The following SNX8 variants were observed in gnomAD, a reference collection of about 807,000 sequenced individuals.
The protein encoded by SNX8 is sorting nexin 8.
A neutral mutation model predicts 51.6 loss-of-function variants in SNX8; 25 were observed. That is an observed-to-expected ratio of 0.48 (90% confidence interval 0.35 to 0.68). The LOEUF (loss-of-function observed/expected upper bound fraction) is 0.68, where lower values mean the gene tolerates loss of function less well. Among genes scored for constraint, SNX8 ranks in the 30% least tolerant of loss-of-function variants. The pLI is 0.00. For missense variants in SNX8, 695 were observed against 624.0 expected (o/e 1.11, Z -1.21); for synonymous variants, 324 against 277.0 (o/e 1.17, Z -1.68).
intron 1 of SNX8, among the ~76,000 whole-genome samples, chr7:2,328,358 G>GT (rs869037064): frequency 6.6e-6 from 1 of 151,482 alleles, no homozygotes; most frequent in East Asian, 2.0e-4. Context: ...TGCCTGGCCT[G>GT]TTTTTTTATT....
At chr7:2,264,512 C>CA in intron 5 of SNX8, 54 bp from the exon 6 acceptor site, 1 of 1,546,698 alleles carries the variant, frequency 6.5e-7, no homozygotes, top group Non-Finnish European at 8.7e-7. Flanking sequence ...GAGCACCTGT[C>CA]AGACGGCAGC....
chr7:2,268,005 C>T (rs1239281460), intron 5 of SNX8, among the ~76,000 whole-genome samples: 1 of 150,252 alleles, frequency 6.7e-6, no homozygotes, highest in Non-Finnish European at 1.5e-5. Flanking sequence ...CCGGCCGAGA[C>T]CCCGTCTGGG....
At position 2,279,888 on chromosome 7, in the gene SNX8, A is replaced by C. The variant is rs1795871284; in HGVS notation, c.95-1583T>G. On this transcript the variant is annotated intron_variant, in intron 1 of 10. Transcript: ENST00000222990. The stretch of plus-strand genomic sequence containing the variant: ...TTGGGGAAGGAAAACAAAGTGAAAT[A>C]TGTACAAGTTTTGTGTGAAAAAGAA... Among the ~76,000 whole-genome samples the C allele has an allele frequency of 2.0e-5, 3 of 152,224 alleles. No individual in the cohort carries two copies. In the South Asian group the frequency reaches 6.2e-4, roughly 32 times the overall value.
rs751593888 is a variant in SNX8, at chr7:2,271,856, G to T, written c.534C>A (p.Ser178Arg). ...DVVLKLFLSF[S>R]GSDVQNKLKE... is the part of the protein sequence containing the mutation. ...GCAGGGCAGACACACTCACCGAGCC[G>T]CTGAAGGACAGGAAGAGCTTGAGGA... Residue 178 changes from serine (S) to arginine (R), a missense_variant, in exon 4 of 11, where the codon AGC (serine) becomes AGA (arginine). By Grantham distance (110) the Ser-to-Arg change is moderately radical. Coordinates refer to ENST00000222990, the MANE Select transcript of SNX8 (RefSeq NM_013321.4). 1 of 1,607,960 alleles carries T rather than the reference G, an allele frequency of 6.2e-7. No homozygotes were observed. The highest frequency in any genetic ancestry group is 1.3e-5 in the African/African-American group (1 of 74,988).
intron 1 of SNX8, among the ~76,000 whole-genome samples, chr7:2,336,805 G>C (rs747467352): frequency 1.3e-5 from 2 of 151,434 alleles, no homozygotes; most frequent in South Asian, 2.1e-4. Context: ...TCAGAAGTTC[G>C]AGAGTAGCAT....
At position 2,268,226 on chromosome 7, in the gene SNX8, C is replaced by T. The variant is rs571140111; in HGVS notation, c.621+1333G>A. Among the ~76,000 whole-genome samples, 599 of 139,676 alleles carry T rather than the reference C, an allele frequency of 4.3e-3. 33 individuals carry two copies. Among genetic ancestry groups the T allele is most frequent in the African/African-American group, 0.017 (583 of 35,258 alleles). The allele number at this position is 139,676 out of a possible 152,430, so 91.6% of individuals were successfully genotyped here. A position where few individuals can be genotyped will look rare whatever the true frequency, so the allele number is the denominator to read the frequency against. On this transcript the variant is annotated intron_variant, in intron 5 of 10. Transcript: ENST00000222990. ...CTGGGATGTGAGGAGCGCCTCTGCC[C>T]GGCGAGACCCCGTCTGGGAGGTGAG...
At chr7:2,285,483 A>G (rs550160422) in intron 1 of SNX8, among the ~76,000 whole-genome samples, 1 of 152,158 alleles carries the variant, frequency 6.6e-6, no homozygotes, top group Non-Finnish European at 1.5e-5. Context: ...TCCATATTAT[A>G]GCCATGGCAT....
At chr7:2,291,266 G>C (rs949946133) in intron 1 of SNX8, among the ~76,000 whole-genome samples, 4 of 152,018 alleles carry the variant, frequency 2.6e-5, no homozygotes, top group Non-Finnish European at 5.9e-5. Context: ...CGCTACTGCA[G>C]TCTAGCCTGG....
chr7:2,269,535 AAAAG>A lies in SNX8; in HGVS notation c.621+20_621+23del, dbSNP rs1795590997. Reference sequence around the variant, plus strand: ...TAAAAAAATAAATTAAAAAAAAAAAAAAAGAAAAAAAAAAGAAAAATACCTTGGC... The same window carrying A: ...TAAAAAAATAAATTAAAAAAAAAAAAAAAAAAAAAAGAAAAATACCTTGGC... On this transcript the variant is annotated intron_variant, in intron 5 of 10. Transcript: ENST00000222990. The A allele has an allele frequency of 2.8e-6, 4 of 1,411,084 alleles. No individual in the cohort carries two copies. The highest frequency in any genetic ancestry group is 3.8e-6 in the Non-Finnish European group (4 of 1,050,148). 87.4% of individuals were successfully genotyped at this position (1,411,084 alleles called of 1,614,324 possible).
chr7:2,302,858 C>G (rs1796434531), intron 1 of SNX8, among the ~76,000 whole-genome samples: 1 of 150,636 alleles, frequency 6.6e-6, no homozygotes, highest in African/African-American at 2.4e-5. Context: ...AGGAGACCCT[C>G]TGCCTGGCAA....
At chr7:2,345,393 T>G (rs897113648) in intron 1 of SNX8, among the ~76,000 whole-genome samples, 3 of 152,096 alleles carry the variant, frequency 2.0e-5, no homozygotes, top group Non-Finnish European at 1.5e-5. Context: ...TGAGGAAATC[T>G]GGCCAGGCAC....
intron 1 of SNX8, among the ~76,000 whole-genome samples, chr7:2,328,239 A>G (rs1778663074): frequency 6.6e-6 from 1 of 151,954 alleles, no homozygotes; most frequent in African/African-American, 2.4e-5. Flanking sequence ...TTTAGTAGAG[A>G]CAGGGGTTTC....
intron 10 of SNX8, among the ~76,000 whole-genome samples, chr7:2,256,028 G>A (rs1039630477): frequency 2.0e-5 from 3 of 152,164 alleles, no homozygotes; most frequent in Admixed American, 6.5e-5. Context: ...GTAGGACTGG[G>A]GTTATGGCAT....
chr7:2,304,362 G>T (rs1328649696), intron 1 of SNX8, among the ~76,000 whole-genome samples: 2 of 149,378 alleles, frequency 1.3e-5, no homozygotes, highest in African/African-American at 2.5e-5. Flanking sequence ...GGCTAACAGG[G>T]TGAAACCCCA....
intron 5 of SNX8, among the ~76,000 whole-genome samples, chr7:2,265,587 A>T (rs1425382409): frequency 6.6e-6 from 1 of 151,258 alleles, no homozygotes; most frequent in African/African-American, 2.4e-5. Context: ...CCATGCTGCA[A>T]GGAGCCATGA....
intron 1 of SNX8, among the ~76,000 whole-genome samples, chr7:2,352,067 C>A (rs944311335): frequency 2.0e-5 from 3 of 151,712 alleles, no homozygotes; most frequent in Non-Finnish European, 4.4e-5. Context: ...GCCACCATGC[C>A]TGGCTAATTT....
At chr7:2,341,304 G>C (rs1676291844) in intron 1 of SNX8, among the ~76,000 whole-genome samples, 1 of 152,046 alleles carries the variant, frequency 6.6e-6, no homozygotes, top group African/African-American at 2.4e-5. Flanking sequence ...TTTCAGACCA[G>C]CCTGGCCAAC....
chr7:2,302,543 G>C (rs1055361465), intron 1 of SNX8, among the ~76,000 whole-genome samples: 4 of 152,192 alleles, frequency 2.6e-5, no homozygotes, highest in African/African-American at 7.2e-5. Flanking sequence ...GAAGTGAGGA[G>C]CGTCTCTGCC....
At chr7:2,342,413 G>T (rs977281563) in intron 1 of SNX8, among the ~76,000 whole-genome samples, 2 of 151,930 alleles carry the variant, frequency 1.3e-5, no homozygotes, top group South Asian at 2.1e-4. Flanking sequence ...CAGCACTTTG[G>T]GGGGCTGAGG....
Sources: allele counts gnomAD v4.1 joint callset (sites outside exome capture counted in the v4.1 genomes callset), GRCh38; gene constraint gnomAD v4.1.1; transcripts MANE v1.5; gene names NCBI Gene and HGNC (gene_info 2026-07-23, HGNC 2026-07-21).